The following PIGO variants were observed in gnomAD, a reference collection of about 807,000 sequenced individuals.
PIGO encodes the protein phosphatidylinositol glycan anchor biosynthesis class O.
PIGO carries 66 observed loss-of-function variants against 86.9 expected under a neutral mutation model. The observed-to-expected ratio is 0.76, with a 90% CI of 0.62 to 0.93. The LOEUF (loss-of-function observed/expected upper bound fraction) is 0.93. Among genes scored for constraint, PIGO ranks in the 40% least tolerant of loss-of-function variants. The probability of loss-of-function intolerance (pLI) is 0.00; values close to 1 mark genes in which losing one functional copy is unlikely to be tolerated. For synonymous variants in PIGO, 570 were observed against 556.4 expected (o/e 1.02, Z -0.34); for missense variants, 1,202 against 1,359.1 (o/e 0.88, Z 1.82).
In PIGO at chr9:35,090,465, C is replaced by T. The variant is rs1829364614; in HGVS notation, c.2854+1G>A. Reference sequence around the variant, plus strand: ...GAAGCAAGTGAAGGAGGAGGGGGTACCTGCAAAGAGGAGGTGGGAGGCAAA... The same window carrying T: ...GAAGCAAGTGAAGGAGGAGGGGGTATCTGCAAAGAGGAGGTGGGAGGCAAA... On this transcript the variant is annotated splice_donor_variant, in intron 8 of 10. Coordinates refer to ENST00000378617, the MANE Select transcript of PIGO (RefSeq NM_032634.4). LOFTEE classifies it high-confidence loss of function. 6.2e-7 allele frequency: 1 copy of T among 1,607,580 alleles called. No individual in the cohort carries two copies. Among genetic ancestry groups the T allele is most frequent in the Non-Finnish European group, 8.5e-7 (1 of 1,175,030 alleles).
chr9:35,094,062 C>A (rs1039596206), intron 3 of PIGO, 38 bp from the exon 4 acceptor site: 1 of 1,601,632 alleles, frequency 6.2e-7, no homozygotes, highest in Non-Finnish European at 8.5e-7. Flanking sequence ...AAGACTAAGA[C>A]CCACTCCTCA....
rs1563995829 is a variant in PIGO at position 35,091,499 on chromosome 9, C to T, written c.2388G>A (p.Val796=). 1 of 1,614,216 alleles carries T rather than the reference C, an allele frequency of 6.2e-7. No homozygotes were observed. The highest frequency in any genetic ancestry group is 8.5e-7 in the Non-Finnish European group (1 of 1,180,036). Residue 796 remains valine, a synonymous_variant, in exon 7 of 11, where the codon GTG becomes GTA. Coordinates refer to ENST00000378617, the MANE Select transcript of PIGO (RefSeq NM_032634.4). Reference sequence around the variant, plus strand: ...GCATGTGTCGGTAGATTTGAGGGACCACATAATCCAAGTCAGCTTGAGAAG... The same window carrying T: ...GCATGTGTCGGTAGATTTGAGGGACTACATAATCCAAGTCAGCTTGAGAAG... ...PPTSQADLDY[V]VPQIYRHMQE...
intron 4 of PIGO, 99 bp downstream of exon 4, chr9:35,093,802 G>A (rs766972221): frequency 1.9e-6 from 3 of 1,548,478 alleles, no homozygotes; most frequent in East Asian, 2.3e-5. Flanking sequence ...AGAAGGCCTA[G>A]AGAAGACAGA....
At chr9:35,089,256 G>A (rs1829307816) in intron 10 of PIGO, 35 bp from the exon 11 acceptor site, 1 of 1,614,100 alleles carries the variant, frequency 6.2e-7, no homozygotes, top group East Asian at 2.2e-5. Flanking sequence ...AGGCAACAGA[G>A]TAGGTCTACT....
At position 35,092,528 on chromosome 9, in the gene PIGO, C is replaced by T. The variant is rs368706055; in HGVS notation, c.1359G>A (p.Gly453=). ...AGGAAGCAGCCAAGAGAGCAGTACC[C>T]CCCGCCATGCGGACCAGAGAGAAAC... ...WARFSLVRMA[G]GTALLAASCF... is the part of the protein sequence containing the mutation. Residue 453 remains glycine (G), a synonymous_variant, in exon 7 of 11, where the codon GGG becomes GGA. Coordinates refer to ENST00000378617, the MANE Select transcript of PIGO (RefSeq NM_032634.4). The T allele has an allele frequency of 1.2e-6, 2 of 1,614,068 alleles. No individual in the cohort carries two copies. Among genetic ancestry groups the T allele is most frequent in the African/African-American group, 2.7e-5 (2 of 74,948 alleles).
chr9:35,092,393 A>G lies in PIGO; in HGVS notation c.1494T>C (p.Ala498=), dbSNP rs771396106. The change falls in exon 7 of 11, where the codon GCT becomes GCC. Residue 498 remains alanine (A), a synonymous_variant. Coordinates refer to ENST00000378617, the MANE Select transcript of PIGO (RefSeq NM_032634.4). ...AWGLVGAIAY[A]GLLGTIELKL... The stretch of plus-strand genomic sequence containing the variant: ...TCAGCTCAATAGTTCCCAGGAGTCC[A>G]GCATACGCTATGGCCCCAACCAGGC... 17 of 1,614,138 alleles carry G rather than the reference A, an allele frequency of 1.1e-5. No individual in the cohort carries two copies. Among genetic ancestry groups the G allele is most frequent in the Non-Finnish European group, 1.4e-5 (17 of 1,180,046 alleles).
Position 35,092,663 on chromosome 9 carries a change from C to T in PIGO, c.1224G>A (p.Gln408=), listed in dbSNP as rs765426156. The part of the protein sequence containing the change: ...NLFSKASADY[Q]WLLQSPKGAE... ...CCCCCTTGGGGCTCTGGAGAAGCCACTGGTAGTCAGCAGAGGCCTTGGAGA... is the reference window on the plus strand; with the variant it reads ...CCCCCTTGGGGCTCTGGAGAAGCCATTGGTAGTCAGCAGAGGCCTTGGAGA... Residue 408 remains glutamine, a synonymous_variant, in exon 7 of 11, where the codon CAG becomes CAA. Transcript: ENST00000378617. 3.7e-5 allele frequency: 60 copies of T among 1,614,114 alleles called. 1 individual carries two copies. Among genetic ancestry groups the T allele is most frequent in the Middle Eastern group, 3.3e-4 (2 of 6,078 alleles).
intron 1 of PIGO, 134 bp downstream of exon 1, chr9:35,096,021 A>G (rs1160817414): frequency 1.2e-5 from 2 of 160,642 alleles, no homozygotes; most frequent in East Asian, 3.6e-4. Context: ...CCCACCCCAG[A>G]TCTACTGAAT....
At chr9:35,092,986 C>A (rs756761215) in intron 6 of PIGO, 44 bp downstream of exon 6, 16 of 1,567,416 alleles carry the variant, frequency 1.0e-5, no homozygotes, top group Middle Eastern at 3.8e-4. Context: ...TTCTTTCATG[C>A]CCACCCTAGC....
Position 35,095,980 on chromosome 9 carries a change from G to C in PIGO, c.-2+175C>G, listed in dbSNP as rs571911627. 13 of 169,200 alleles carry C rather than the reference G, an allele frequency of 7.7e-5. No individual in the cohort carries two copies. The South Asian group carries it at 1.7e-3, about 22-fold the overall frequency. 10.5% of individuals were successfully genotyped at this position (169,200 alleles called of 1,614,324 possible). Reference sequence around the variant, plus strand: ...GATTGAACCACTGCACTAGAGTCTGGACAACAGAGGGAGACGCCGTTTCAT... The same window carrying C: ...GATTGAACCACTGCACTAGAGTCTGCACAACAGAGGGAGACGCCGTTTCAT... On this transcript the variant is annotated intron_variant, in intron 1 of 10. Coordinates refer to ENST00000378617, the MANE Select transcript of PIGO (RefSeq NM_032634.4).
intron 1 of PIGO, 172 bp from the exon 2 acceptor site, chr9:35,095,738 G>A: frequency 1.1e-6 from 1 of 932,396 alleles, no homozygotes; most frequent in Non-Finnish European, 1.5e-6. Flanking sequence ...TCCAGGCTGG[G>A]CATGGTGGCT....
At position 35,095,578 on chromosome 9, in the gene PIGO, G is replaced by T; in HGVS notation, c.-1-12C>A. The T allele has an allele frequency of 4.6e-6, 7 of 1,530,362 alleles. No individual in the cohort carries two copies. Among genetic ancestry groups the T allele is most frequent in the Non-Finnish European group, 6.1e-6 (7 of 1,142,220 alleles). The allele number at this position is 1,530,362 out of a possible 1,614,324, so 94.8% of individuals were successfully genotyped here. A position where few individuals can be genotyped will look rare whatever the true frequency, so the allele number is the denominator to read the frequency against. On this transcript the variant is annotated splice_polypyrimidine_tract_variant and intron_variant, in intron 1 of 10. Coordinates refer to ENST00000378617, the MANE Select transcript of PIGO (RefSeq NM_032634.4). ...AGGCTTTCTGCATCCTGATAGGGGT[G>T]GGGAAGTAAATTCATTACTGTGGGG...
chr9:35,095,520 G>C lies in PIGO; in HGVS notation c.46C>G (p.Leu16Val), dbSNP rs763025240. Residue 16 changes from leucine to valine, a missense_variant, in exon 2 of 11, where the codon CTC becomes GTC. Coordinates refer to ENST00000378617, the MANE Select transcript of PIGO (RefSeq NM_032634.4). ...VLLFLAWVCF[L>V]FYAGIALFTS... ...AAGAGGGCAATGCCAGCGTAGAAGAGGAAGCAGACCCAGGCCAGGAAGAGC... is the reference window on the plus strand; with the variant it reads ...AAGAGGGCAATGCCAGCGTAGAAGACGAAGCAGACCCAGGCCAGGAAGAGC... The C allele has an allele frequency of 1.9e-6, 3 of 1,605,140 alleles. No homozygotes were observed. The highest frequency in any genetic ancestry group is 1.1e-5 in the South Asian group (1 of 90,344).
intron 7 of PIGO, 184 bp from the exon 8 acceptor site, chr9:35,090,856 C>T (rs1829386428): frequency 4.6e-6 from 3 of 654,434 alleles, no homozygotes; most frequent in Non-Finnish European, 7.6e-6. Context: ...ACAAAAGCGC[C>T]ATCAGGCTTA....
In PIGO at chr9:35,092,120, G is replaced by C. The variant is rs1231359077; in HGVS notation, c.1767C>G (p.His589Gln). The change falls in exon 7 of 11, where the codon CAC becomes CAG. Residue 589 changes from histidine (H) to glutamine (Q), a missense_variant. Transcript: ENST00000378617. Reference sequence around the variant, plus strand: ...TAGGTGGAAGCAGCTGGCCCTCCCAGTGAAGCTGGACAACCAGGAGCAGGA... The same window carrying C: ...TAGGTGGAAGCAGCTGGCCCTCCCACTGAAGCTGGACAACCAGGAGCAGGA... ...SFILLLVVQLHWEGQLLPPKL... is the reference protein window; with the variant it reads ...SFILLLVVQLQWEGQLLPPKL... 6.2e-6 allele frequency: 10 copies of C among 1,614,260 alleles called. No homozygotes were observed. Among genetic ancestry groups the C allele is most frequent in the African/African-American group, 1.3e-5 (1 of 75,078 alleles).
At position 35,089,738 on chromosome 9, in the gene PIGO, G is replaced by A; in HGVS notation, c.3070-288C>T. 2.1e-6 allele frequency: 3 copies of A among 1,396,800 alleles called. No homozygotes were observed. In the South Asian group the frequency reaches 4.8e-5, roughly 22 times the overall value. The allele number at this position is 1,396,800 out of a possible 1,614,324, so 86.5% of individuals were successfully genotyped here. On this transcript the variant is annotated intron_variant, in intron 9 of 10. Transcript: ENST00000378617. The stretch of plus-strand genomic sequence containing the variant: ...TATCAGTGCCACATCTGCCTCTGGA[G>A]GAAAGGAAGAGGATCCATGACCACA...
intron 7 of PIGO, chr9:35,091,027 T>C (rs1357210088): frequency 2.3e-5 from 14 of 607,586 alleles, no homozygotes; most frequent in Non-Finnish European, 4.0e-5. Flanking sequence ...TCCTTGTCTC[T>C]CCTCTCCATG....
rs1315061687 is a variant in PIGO at position 35,088,936 on chromosome 9, A to G, written c.*156T>C. 3.9e-6 allele frequency: 4 copies of G among 1,028,948 alleles called. No homozygotes were observed. In the Admixed American group the frequency reaches 9.2e-5, roughly 24 times the overall value. The allele number at this position is 1,028,948 out of a possible 1,614,324, so 63.7% of individuals were successfully genotyped here. A position where few individuals can be genotyped will look rare whatever the true frequency, so the allele number is the denominator to read the frequency against. ...TCATACTCCACTGTGGTCCTGAATT[A>G]TAGAATAATGAAGTCCTAGATGTCA... is the stretch of plus-strand genomic sequence containing the variant. On this transcript the variant is annotated 3_prime_UTR_variant, in exon 11 of 11. Transcript: ENST00000378617.
chr9:35,093,055 G>A lies in PIGO; in HGVS notation c.1094C>T (p.Ser365Leu), dbSNP rs1262476458. Residue 365 changes from serine to leucine, a missense_variant, in exon 6 of 11, where the codon TCA (serine) becomes TTA (leucine). Transcript: ENST00000378617. ...CTGCTGAGCATTGAGATGGAGAGCT[G>A]AGGCTTGGGCTAAAGCAGAGGAGTG... ...QPHSSALAQA[S>L]ALHLNAQQVS... 1.2e-6 allele frequency: 2 copies of A among 1,611,808 alleles called. No individual in the cohort carries two copies. Among genetic ancestry groups the A allele is most frequent in the Non-Finnish European group, 1.7e-6 (2 of 1,178,060 alleles).
Sources: gnomAD v4.1 joint callset for allele counts on GRCh38, gnomAD v4.1.1 for gene constraint, MANE v1.5 for transcripts, NCBI Gene and HGNC (gene_info 2026-07-23, HGNC 2026-07-21) for gene names.